Variants in LINGO1 observed in about 807,000 individuals in gnomAD.
The protein encoded by LINGO1 is leucine rich repeat and Ig domain containing 1.
Under a neutral mutation model 37.3 loss-of-function variants are expected in LINGO1, and 11 were observed. The ratio of observed to expected loss-of-function variants is 0.29; its 90% confidence interval spans 0.19 to 0.49. The LOEUF (loss-of-function observed/expected upper bound fraction) is 0.49, where lower values mean the gene tolerates loss of function less well. Among genes scored for constraint, LINGO1 ranks in the 20% least tolerant of loss-of-function variants. LINGO1 has a pLI of 0.99. For synonymous variants in LINGO1, 387 were observed against 403.0 expected (o/e 0.96, Z 0.48); for missense variants, 585 against 878.2 (o/e 0.67, Z 4.22).
chr15:77,714,019 C>G (rs1042097826), intron 2 of LINGO1, among the ~76,000 whole-genome samples: 1 of 152,112 alleles, frequency 6.6e-6, no homozygotes. Flanking sequence ...CTGGTTCCCA[C>G]GTCCCCATCC....
chr15:77,764,018 A>T (rs542479551), intron 1 of LINGO1, among the ~76,000 whole-genome samples: 1 of 152,364 alleles, frequency 6.6e-6, no homozygotes, highest in African/African-American at 2.4e-5. Context: ...GGGAGGCCTC[A>T]GTTCTCCAAA....
chr15:77,755,471 G>A (rs1255195986), intron 1 of LINGO1, among the ~76,000 whole-genome samples: 6 of 152,206 alleles, frequency 3.9e-5, no homozygotes, highest in Admixed American at 3.9e-4. Context: ...ATTGATTTGT[G>A]CTGTCACGCT....
intron 1 of LINGO1, among the ~76,000 whole-genome samples, chr15:77,775,306 G>C (rs2076626155): frequency 6.6e-6 from 1 of 152,184 alleles, no homozygotes; most frequent in South Asian, 2.1e-4. Context: ...CCCTACAGCA[G>C]TGGGTGCCCA....
intron 1 of LINGO1, among the ~76,000 whole-genome samples, chr15:77,626,846 T>G (rs8027456): frequency 0.18 from 27,264 of 151,864 alleles, 5,185 homozygotes; most frequent in African/African-American, 0.48. Flanking sequence ...GGATCAAGGC[T>G]ACTGCAGGAG....
upstream of LINGO1, chr15:77,788,468 G>T (rs956864762): frequency 6.6e-6 from 1 of 152,198 alleles, no homozygotes; most frequent in African/African-American, 2.4e-5. Context: ...ACTGATGCGT[G>T]GCAGAGCTGC....
chr15:77,667,831 G>A (rs2075166390), intron 3 of LINGO1: 1 of 152,056 alleles, frequency 6.6e-6, no homozygotes, highest in Non-Finnish European at 1.5e-5. Flanking sequence ...GATGACAGAA[G>A]GGAGGAGAGC....
intron 1 of LINGO1, among the ~76,000 whole-genome samples, chr15:77,741,106 C>T (rs1471347891): frequency 6.6e-6 from 1 of 152,210 alleles, no homozygotes; most frequent in Non-Finnish European, 1.5e-5. Flanking sequence ...CAAACCTAGG[C>T]CAGCGGGGGC....
chr15:77,776,716 G>T lies in LINGO1; in HGVS notation c.-257+10153C>A, dbSNP rs188492783. Among the ~76,000 whole-genome samples the T allele has an allele frequency of 1.0e-3, 158 of 152,286 alleles. 4 individuals carry two copies. The highest frequency in any genetic ancestry group is 0.01 in the Admixed American group (154 of 15,300). ...CCCACACCAAGCTTGAGGCAATCTG[G>T]GATTTGAAACCAGATCTTTGGACTG... On this transcript the variant is annotated intron_variant, in intron 1 of 3. Coordinates refer to the LINGO1 transcript ENST00000561686.
At chr15:77,640,771 T>C (rs1296333310) in intron 3 of LINGO1, among the ~76,000 whole-genome samples, 2 of 152,170 alleles carry the variant, frequency 1.3e-5, no homozygotes, top group African/African-American at 4.8e-5. Context: ...TGAAGGCGAA[T>C]GCTTCAGTGG....
intron 1 of LINGO1, among the ~76,000 whole-genome samples, chr15:77,616,723 G>A (rs1321307851): frequency 6.6e-6 from 1 of 152,162 alleles, no homozygotes; most frequent in Non-Finnish European, 1.5e-5. Context: ...TCAGGCTCCT[G>A]AGCCCAGGGC....
chr15:77,618,621 GCT>G (rs2073808810), intron 1 of LINGO1, among the ~76,000 whole-genome samples: 2 of 16,978 alleles, frequency 1.2e-4, no homozygotes, highest in African/African-American at 3.2e-4. Flanking sequence ...ACGGAGTCTC[GCT>G]CTGTCGCCCA....
At chr15:77,659,714 C>A (rs544669649) in intron 3 of LINGO1, among the ~76,000 whole-genome samples, 1 of 152,292 alleles carries the variant, frequency 6.6e-6, no homozygotes, top group East Asian at 1.9e-4. Context: ...TGGTCATTAC[C>A]ATGGGGGGCT....
chr15:77,627,027 C>T (rs1292281343), intron 1 of LINGO1, among the ~76,000 whole-genome samples: 1 of 151,366 alleles, frequency 6.6e-6, no homozygotes, highest in Non-Finnish European at 1.5e-5. Context: ...CCCCCACCCC[C>T]TCCCAGAGGC....
intron 1 of LINGO1, among the ~76,000 whole-genome samples, chr15:77,818,240 C>T (rs1035013757): frequency 6.6e-6 from 1 of 152,226 alleles, no homozygotes; most frequent in Admixed American, 6.5e-5. Context: ...CCAGATCCTT[C>T]CTTGGGCCTC....
intron 1 of LINGO1, among the ~76,000 whole-genome samples, chr15:77,623,022 G>A (rs1026819366): frequency 1.3e-5 from 2 of 152,132 alleles, no homozygotes; most frequent in Non-Finnish European, 2.9e-5. Context: ...AAGTGGGACC[G>A]GGCCTGATAC....
At chr15:77,786,665 G>A (rs561484163) in intron 1 of LINGO1, among the ~76,000 whole-genome samples, 245 of 152,282 alleles carry the variant, frequency 1.6e-3, no homozygotes, top group African/African-American at 5.6e-3. Flanking sequence ...GGAGCCACCC[G>A]TGGCACCATC....
intron 3 of LINGO1, among the ~76,000 whole-genome samples, chr15:77,639,564 T>C (rs999559052): frequency 3.3e-5 from 5 of 151,884 alleles, no homozygotes; most frequent in Admixed American, 2.0e-4. Context: ...AAACAGGAAA[T>C]GGCCTAAGTG....
chr15:77,613,677 T>C lies in LINGO1; in HGVS notation c.*367A>G. The C allele has an allele frequency of 4.3e-6, 1 of 234,942 alleles. No homozygotes were observed. Among genetic ancestry groups the C allele is most frequent in the Non-Finnish European group, 8.4e-6 (1 of 119,292 alleles). 14.6% of individuals were successfully genotyped at this position (234,942 alleles called of 1,614,324 possible). ...CCGACTAGCTATAGGAAATAGTTTT[T>C]TTCTCTTTTTATTATTTCAAGTTTT... On this transcript the variant is annotated 3_prime_UTR_variant, in exon 2 of 2. Coordinates refer to ENST00000355300, the MANE Select transcript of LINGO1 (RefSeq NM_032808.7).
chr15:77,775,402 G>A (rs560282569), intron 1 of LINGO1, among the ~76,000 whole-genome samples: 1 of 152,164 alleles, frequency 6.6e-6, no homozygotes, highest in South Asian at 2.1e-4. Flanking sequence ...CCACTACCCA[G>A]TTTGCAGGTC....
Sources: gnomAD v4.1 joint callset for allele counts (sites outside exome capture counted in the v4.1 genomes callset) on GRCh38, gnomAD v4.1.1 for gene constraint, MANE v1.5 for transcripts, NCBI Gene and HGNC (gene_info 2026-07-23, HGNC 2026-07-21) for gene names.